PTPN3: variants seen among roughly 807,000 people sequenced by gnomAD.
PTPN3 encodes tyrosine-protein phosphatase non-receptor type 3.
A neutral mutation model predicts 132.7 loss-of-function variants in PTPN3; 96 were observed. The ratio of observed to expected loss-of-function variants is 0.72; its 90% CI spans 0.61 to 0.86. The LOEUF (loss-of-function observed/expected upper bound fraction) is 0.86, where lower values mean the gene tolerates loss of function less well. Ranked by LOEUF, PTPN3 falls within the 40% of genes least tolerant of loss-of-function variation. PTPN3 has a pLI of 0.00. For missense variants in PTPN3, 1,125 were observed against 1,159.6 expected, an observed-to-expected ratio of 0.97 and a Z score of 0.43; for synonymous variants, 398 against 429.0, an observed-to-expected ratio of 0.93 and a Z score of 0.89.
intron 1 of PTPN3, among the ~76,000 whole-genome samples, chr9:109,489,526 G>C (rs963886889): frequency 6.6e-6 from 1 of 152,050 alleles, no homozygotes; most frequent in Non-Finnish European, 1.5e-5. Context: ...GGGCAGTCCC[G>C]GCTTAGACCC....
chr9:109,466,583 G>A (rs1846111439), intron 1 of PTPN3, among the ~76,000 whole-genome samples: 1 of 152,198 alleles, frequency 6.6e-6, no homozygotes, highest in African/African-American at 2.4e-5. Flanking sequence ...GAGTGCTTGG[G>A]GATCTTGTTA....
chr9:109,419,095 C>A (rs1021967723), intron 14 of PTPN3, among the ~76,000 whole-genome samples: 1 of 152,238 alleles, frequency 6.6e-6, no homozygotes, highest in Non-Finnish European at 1.5e-5. Flanking sequence ...GACAAAGGGG[C>A]AGCAGGCTGC....
At chr9:109,453,450 C>T (rs1011469712) in intron 5 of PTPN3, among the ~76,000 whole-genome samples, 4 of 152,100 alleles carry the variant, frequency 2.6e-5, no homozygotes, top group Non-Finnish European at 5.9e-5. Context: ...TTTGTTTGTG[C>T]AGTCTGTGTT....
chr9:109,520,400 G>T, the PTPN3 span, among the ~76,000 whole-genome samples: 1 of 152,028 alleles, frequency 6.6e-6, no homozygotes, highest in Admixed American at 6.6e-5. Context: ...TAAAAATAAA[G>T]AAAGAAAGAA....
At chr9:109,465,713 A>C (rs1188329153) in intron 1 of PTPN3, among the ~76,000 whole-genome samples, 18 of 148,192 alleles carry the variant, frequency 1.2e-4, no homozygotes, top group Non-Finnish European at 2.4e-4. Flanking sequence ...TCTCAAAAAA[A>C]AAAAAAAAAA....
At chr9:109,529,043 G>T in the PTPN3 span, among the ~76,000 whole-genome samples, 72 of 152,232 alleles carry the variant, frequency 4.7e-4, no homozygotes, top group African/African-American at 1.4e-3. Context: ...ATCATCGTGG[G>T]GGAAGGACAG....
the PTPN3 span, among the ~76,000 whole-genome samples, chr9:109,513,004 T>C: frequency 5.3e-5 from 8 of 152,168 alleles, no homozygotes; most frequent in Non-Finnish European, 1.0e-4. Flanking sequence ...ATCTGAAATG[T>C]TCTTAATTCA....
intron 5 of PTPN3, among the ~76,000 whole-genome samples, chr9:109,452,859 T>G (rs188854105): frequency 7.9e-5 from 12 of 152,334 alleles, no homozygotes; most frequent in African/African-American, 2.6e-4. Context: ...CCACCATGCC[T>G]GGCCCAGAGT....
chr9:109,416,458 T>C lies in PTPN3; in HGVS notation c.1313+3966A>G, dbSNP rs541852542. ...TTTTTTGTTTTTTTGTTTCTTTTTT[T>C]TTTTTTTGACAGGGTCTCACTCCAA... is the stretch of plus-strand genomic sequence containing the variant. On this transcript the variant is annotated intron_variant, in intron 14 of 25. Coordinates refer to ENST00000374541, the MANE Select transcript of PTPN3 (RefSeq NM_002829.4). 2.0e-5 allele frequency among the ~76,000 whole-genome samples: 3 copies of C among 150,800 alleles called. No homozygotes were observed. The East Asian group carries it at 6.0e-4, about 30-fold the overall frequency.
At chr9:109,503,373 AAC>A in the PTPN3 span, among the ~76,000 whole-genome samples, 7 of 152,180 alleles carry the variant, frequency 4.6e-5, no homozygotes, top group East Asian at 1.3e-3. Flanking sequence ...CACTTTGAGA[AAC>A]ACAAACATTT....
chr9:109,411,810 T>C (rs1842096303), intron 14 of PTPN3, among the ~76,000 whole-genome samples: 1 of 152,226 alleles, frequency 6.6e-6, no homozygotes. Context: ...CACAATCTAT[T>C]TGAATAAAAT....
intron 16 of PTPN3, among the ~76,000 whole-genome samples, chr9:109,408,694 C>T (rs1353919507): frequency 3.3e-5 from 5 of 151,360 alleles, no homozygotes; most frequent in African/African-American, 1.2e-4. Context: ...CGCAGATGCC[C>T]CCAGAGAGGG....
intron 1 of PTPN3, among the ~76,000 whole-genome samples, chr9:109,496,606 A>G (rs1189339751): frequency 2.6e-5 from 4 of 152,268 alleles, no homozygotes; most frequent in African/African-American, 9.6e-5. Flanking sequence ...TGTAAGTTCT[A>G]TAAGGCTATG....
chr9:109,506,622 C>T, the PTPN3 span, among the ~76,000 whole-genome samples: 759 of 120,328 alleles, frequency 6.3e-3, 8 homozygotes, highest in African/African-American at 0.022. Flanking sequence ...TTTTTTTTTG[C>T]GACAGGGTCT....
At chr9:109,491,671 C>G (rs58803652) in intron 1 of PTPN3, among the ~76,000 whole-genome samples, 19,423 of 152,228 alleles carry the variant, frequency 0.13, 1,475 homozygotes, top group Middle Eastern at 0.25. Context: ...GGAGAGAGAT[C>G]TGGTGGCATG....
At chr9:109,467,577 G>A (rs1017439085) in intron 1 of PTPN3, among the ~76,000 whole-genome samples, 3 of 152,216 alleles carry the variant, frequency 2.0e-5, no homozygotes, top group Non-Finnish European at 4.4e-5. Flanking sequence ...TGTGTGATAA[G>A]AGGTGGGCAG....
chr9:109,489,451 T>C (rs1396109536), intron 1 of PTPN3, among the ~76,000 whole-genome samples: 1 of 152,214 alleles, frequency 6.6e-6, no homozygotes, highest in Non-Finnish European at 1.5e-5. Context: ...TGGCTCACCC[T>C]GCACTGATCT....
chr9:109,389,234 C>G lies in PTPN3; in HGVS notation c.2252G>C (p.Arg751Pro). 1 of 1,614,004 alleles carries G rather than the reference C, an allele frequency of 6.2e-7. No homozygotes were observed. The highest frequency in any genetic ancestry group is 8.5e-7 in the Non-Finnish European group (1 of 1,179,962). ...VMLTTLTERG[R>P]TKCHQYWPDP... ...TGAATTAGAAATCAAGCTACTTACC[C>G]GCCCTCGTTCTGTGAGAGTCGTCAA... is the stretch of plus-strand genomic sequence containing the variant. The change falls in exon 22 of 26, where the codon CGG becomes CCG. Residue 751 changes from arginine (R) to proline (P), a missense_variant and splice_region_variant. Physicochemically the swap from Arg to Pro is moderately radical, Grantham distance 103 (BLOSUM62 -2). Transcript: ENST00000374541.
At chr9:109,445,665 A>G (rs1242680545) in intron 6 of PTPN3, among the ~76,000 whole-genome samples, 1 of 152,222 alleles carries the variant, frequency 6.6e-6, no homozygotes, top group Non-Finnish European at 1.5e-5. Flanking sequence ...TTTCTAGTAA[A>G]GACCTGAGAC....
Sources: allele counts gnomAD v4.1 joint callset (sites outside exome capture counted in the v4.1 genomes callset), GRCh38; gene constraint gnomAD v4.1.1; transcripts MANE v1.5; gene names NCBI Gene and HGNC (gene_info 2026-07-23, HGNC 2026-07-21).